The following DDX59 variants were observed in gnomAD, a reference collection of about 807,000 sequenced individuals.
DDX59 encodes the protein probable ATP-dependent RNA helicase DDX59.
In DDX59, 30 loss-of-function variants were observed where a neutral mutation model predicts 51.9. That is an observed-to-expected ratio of 0.58 (90% CI 0.43 to 0.78). The LOEUF (loss-of-function observed/expected upper bound fraction) is 0.78, where lower values mean the gene tolerates loss of function less well. Among genes scored for constraint, DDX59 ranks in the 30% least tolerant of loss-of-function variants. DDX59 has a pLI of 0.00. For missense variants in DDX59, 672 were observed against 730.8 expected (o/e 0.92, Z 0.93); for synonymous variants, 255 against 253.3 (o/e 1.01, Z -0.06).
At chr1:200,661,840 G>A (rs769666656) in intron 3 of DDX59, among the ~76,000 whole-genome samples, 1 of 152,162 alleles carries the variant, frequency 6.6e-6, no homozygotes, top group Non-Finnish European at 1.5e-5. Flanking sequence ...ATTGCATGTC[G>A]AACTGTAATC....
At chr1:200,658,168 GT>G (rs1182561085) in intron 4 of DDX59, among the ~76,000 whole-genome samples, 1 of 152,204 alleles carries the variant, frequency 6.6e-6, no homozygotes, top group Admixed American at 6.5e-5. Context: ...CCTCTGCTCT[GT>G]CACTGCTGGT....
intron 4 of DDX59, 55 bp from the exon 5 acceptor site, chr1:200,650,731 C>CTGCTTTTGGTGTTTTGGACATGAAGT: frequency 7.0e-7 from 1 of 1,435,392 alleles, no homozygotes; most frequent in Non-Finnish European, 9.3e-7. Context: ...CCCAGAACCA[C>CTGCTTTTGGTGTTTTGGACATGAAGT]CCCCAAAAAA....
chr1:200,652,177 C>T (rs962469225), intron 4 of DDX59, among the ~76,000 whole-genome samples: 1 of 151,776 alleles, frequency 6.6e-6, no homozygotes, highest in Non-Finnish European at 1.5e-5. Flanking sequence ...TGTTTTGAGA[C>T]AGGGTCTTGC....
At chr1:200,656,739 A>C (rs1466761642) in intron 4 of DDX59, among the ~76,000 whole-genome samples, 2 of 152,198 alleles carry the variant, frequency 1.3e-5, no homozygotes, top group Non-Finnish European at 2.9e-5. Flanking sequence ...TAGTGGAAGA[A>C]AATGAAAATG....
At chr1:200,664,126 T>C in intron 2 of DDX59, 40 bp from the exon 3 acceptor site, 2 of 1,591,602 alleles carry the variant, frequency 1.3e-6, no homozygotes, top group South Asian at 2.3e-5. Context: ...ACACCAGCAA[T>C]TAATTCCTGC....
chr1:200,652,341 A>C (rs1452058289), intron 4 of DDX59, among the ~76,000 whole-genome samples: 2 of 152,146 alleles, frequency 1.3e-5, no homozygotes, highest in Admixed American at 1.3e-4. Flanking sequence ...TTAAGGGCCC[A>C]CTAATGTGCT....
chr1:200,651,515 C>T (rs1046799214), intron 4 of DDX59, among the ~76,000 whole-genome samples: 3 of 152,126 alleles, frequency 2.0e-5, no homozygotes, highest in African/African-American at 7.2e-5. Context: ...GACACTGAAT[C>T]AAGGCTACAG....
intron 3 of DDX59, among the ~76,000 whole-genome samples, chr1:200,660,567 G>A (rs533765451): frequency 6.6e-6 from 1 of 152,126 alleles, no homozygotes; most frequent in South Asian, 2.1e-4. Context: ...GCTACATAGA[G>A]GAGGATTGGT....
intron 3 of DDX59, among the ~76,000 whole-genome samples, chr1:200,660,994 A>G (rs566499781): frequency 2.2e-4 from 34 of 152,382 alleles, no homozygotes; most frequent in African/African-American, 7.5e-4. Context: ...CAATCAACGC[A>G]CATAGCCCAG....
downstream of DDX59, among the ~76,000 whole-genome samples, chr1:200,643,616 C>A (rs192614449): frequency 3.4e-3 from 513 of 152,206 alleles, 2 homozygotes; most frequent in African/African-American, 0.011. Context: ...GCACTCCAGC[C>A]TGGGCGACAG....
At position 200,663,967 on chromosome 1, in the gene DDX59, C is replaced by T; in HGVS notation, c.924G>A (p.Gly308=). ...LPRMKTVLLV[G]GLPLPPQLYR... is the part of the protein sequence containing the mutation. ...AAAGCTGTGGGGGTAAGGGTAAGCC[C>T]CCTACAAGAAGCACAGTTTTCATGC... Residue 308 remains glycine, a synonymous_variant, in exon 3 of 8, where the codon GGG becomes GGA. Transcript: ENST00000331314. 3.7e-6 allele frequency: 6 copies of T among 1,614,152 alleles called. No homozygotes were observed. Among genetic ancestry groups the T allele is most frequent in the Non-Finnish European group, 5.1e-6 (6 of 1,180,016 alleles).
intron 4 of DDX59, among the ~76,000 whole-genome samples, chr1:200,651,378 G>A (rs1190172301): frequency 6.6e-6 from 1 of 152,198 alleles, no homozygotes; most frequent in Non-Finnish European, 1.5e-5. Context: ...GGGTGATTAA[G>A]TTATGAAGGC....
At chr1:200,643,117 G>A (rs553150835), downstream of DDX59, among the ~76,000 whole-genome samples, 28 of 151,812 alleles carry the variant, frequency 1.8e-4, no homozygotes, top group African/African-American at 6.5e-4. Context: ...ATCATTTGAG[G>A]CCAGGAGTTT....
At chr1:200,652,544 T>G (rs1571622459) in intron 4 of DDX59, among the ~76,000 whole-genome samples, 1 of 151,988 alleles carries the variant, frequency 6.6e-6, no homozygotes, top group Non-Finnish European at 1.5e-5. Context: ...TAATTTTGTA[T>G]TTTTAGTAGA....
chr1:200,649,276 C>T (rs1286782248), intron 5 of DDX59, 50 bp from the exon 6 acceptor site: 2 of 1,444,366 alleles, frequency 1.4e-6, no homozygotes, highest in South Asian at 2.7e-5. Flanking sequence ...AAATAATTTA[C>T]AATGGGAAGT....
At chr1:200,649,343 A>C (rs531756099) in intron 5 of DDX59, 117 bp from the exon 6 acceptor site, 1 of 1,093,460 alleles carries the variant, frequency 9.1e-7, no homozygotes, top group African/African-American at 1.6e-5. Flanking sequence ...ATTGTTAAGA[A>C]GGAGGCTGGG....
At chr1:200,661,338 T>G (rs1175544629) in intron 3 of DDX59, among the ~76,000 whole-genome samples, 3 of 152,148 alleles carry the variant, frequency 2.0e-5, no homozygotes, top group Admixed American at 2.0e-4. Context: ...ATGAGAAATT[T>G]ACATTTCAAA....
chr1:200,648,346 G>A (rs192025710), intron 7 of DDX59, 93 bp downstream of exon 7: 610 of 1,549,700 alleles, frequency 3.9e-4, no homozygotes, highest in African/African-American at 7.9e-4. Context: ...TGTCCTGGCC[G>A]ATACTGCTTT....
chr1:200,641,406 AAAAAAG>A (rs1661044824), downstream of DDX59: 4 of 315,136 alleles, frequency 1.3e-5, no homozygotes, highest in South Asian at 1.0e-4. Flanking sequence ...CTAAAAAAAA[AAAAAAG>A]AACCCACTTT....
Sources: gnomAD v4.1 joint callset for allele counts (sites outside exome capture counted in the v4.1 genomes callset) on GRCh38, gnomAD v4.1.1 for gene constraint, MANE v1.5 for transcripts, NCBI Gene and HGNC (gene_info 2026-07-23, HGNC 2026-07-21) for gene names.